The following USP45 variants were observed in gnomAD, a reference collection of about 807,000 sequenced individuals.
The protein encoded by USP45 is ubiquitin carboxyl-terminal hydrolase 45.
A neutral mutation model predicts 95.8 loss-of-function variants in USP45; 89 were observed. That is an observed-to-expected ratio of 0.93 (90% confidence interval 0.78 to 1.11). The LOEUF is 1.11. USP45 is among the 50% of genes least tolerant of loss of function. The pLI is 0.00. For missense variants in USP45, 898 were observed against 942.5 expected, an observed-to-expected ratio of 0.95 and a Z score of 0.62; for synonymous variants, 281 against 316.2, an observed-to-expected ratio of 0.89 and a Z score of 1.18.
chr6:99,479,228 T>C (rs1392667272), intron 8 of USP45, among the ~76,000 whole-genome samples: 1 of 151,912 alleles, frequency 6.6e-6, no homozygotes, highest in Non-Finnish European at 1.5e-5. Context: ...TCCAATAGTA[T>C]ATTTTATTTT....
intron 7 of USP45, among the ~76,000 whole-genome samples, chr6:99,487,792 C>CT (rs1257550338): frequency 6.6e-6 from 1 of 151,892 alleles, no homozygotes; most frequent in Non-Finnish European, 1.5e-5. Flanking sequence ...CAGAGCGAGA[C>CT]CCCGTCTCAA....
At position 99,446,078 on chromosome 6, in the gene USP45, C is replaced by A; in HGVS notation, c.1694G>T (p.Ser565Ile). Residue 565 changes from serine (S) to isoleucine (I), a missense_variant, in exon 14 of 18, where the codon AGC becomes ATC. Coordinates refer to ENST00000500704, the MANE Select transcript of USP45 (RefSeq NM_001346022.3). ...MAEAISELRLSSTVTGDQDFD... is the reference protein window; with the variant it reads ...MAEAISELRLISTVTGDQDFD... Reference sequence around the variant, plus strand: ...ATCTTGATCTCCAGTTACAGTGCTGCTCAAACGAAGTTCAGAAATAGCTTC... The same window carrying A: ...ATCTTGATCTCCAGTTACAGTGCTGATCAAACGAAGTTCAGAAATAGCTTC... 1 of 1,614,010 alleles carries A rather than the reference C, an allele frequency of 6.2e-7. No homozygotes were observed. The highest frequency in any genetic ancestry group is 8.5e-7 in the Non-Finnish European group (1 of 1,180,044).
In USP45 at chr6:99,511,841, GTGTGTATATATATATATATATATA is replaced by G. The variant is rs1180823165; in HGVS notation, c.-10-1635_-10-1612del. Among the ~76,000 whole-genome samples, 76 of 133,572 alleles carry G rather than the reference GTGTGTATATATATATATATATATA, an allele frequency of 5.7e-4. 1 individual carries two copies. The East Asian group carries it at 8.7e-3, about 15-fold the overall frequency. 87.6% of individuals were successfully genotyped at this position (133,572 alleles called of 152,430 possible). On this transcript the variant is annotated intron_variant, in intron 1 of 17. Coordinates refer to ENST00000500704, the MANE Select transcript of USP45 (RefSeq NM_001346022.3). ...GAGAGACACATATATGTATGTGAGT[GTGTGTATATATATATATATATATA>G]TATATATATATATATATATATACAC...
intron 14 of USP45, 57 bp from the exon 15 acceptor site, chr6:99,443,719 T>C (rs1781948034): frequency 1.8e-6 from 2 of 1,133,928 alleles, no homozygotes; most frequent in Admixed American, 2.8e-5. Flanking sequence ...TTATCTACCA[T>C]ATAATAAAAA....
At chr6:99,462,249 ACAAGTTATATC>A in intron 13 of USP45, 3 of 984,316 alleles carry the variant, frequency 3.0e-6, no homozygotes, top group Non-Finnish European at 3.6e-6. Context: ...CAGCACAAGC[ACAAGTTATATC>A]CATGTGGTGT....
intron 15 of USP45, among the ~76,000 whole-genome samples, chr6:99,442,605 G>C (rs1030162536): frequency 6.6e-6 from 1 of 152,194 alleles, no homozygotes; most frequent in African/African-American, 2.4e-5. Context: ...CCAGCACTTT[G>C]GGAGGCCGAG....
intron 13 of USP45, among the ~76,000 whole-genome samples, chr6:99,446,748 A>G (rs1408270714): frequency 6.6e-6 from 1 of 152,176 alleles, no homozygotes; most frequent in African/African-American, 2.4e-5. Flanking sequence ...TCTTTAAAAG[A>G]AAAATCTCTT....
intron 13 of USP45, among the ~76,000 whole-genome samples, chr6:99,463,068 GT>G (rs925269543): frequency 1.3e-5 from 2 of 151,696 alleles, no homozygotes; most frequent in African/African-American, 2.4e-5. Flanking sequence ...ATATAAAAAA[GT>G]TTTTTTTGCT....
At chr6:99,477,459 C>G (rs144403466) in intron 8 of USP45, among the ~76,000 whole-genome samples, 1 of 152,080 alleles carries the variant, frequency 6.6e-6, no homozygotes, top group Non-Finnish European at 1.5e-5. Flanking sequence ...GCTGGCCACA[C>G]CTGCCATCGT....
chr6:99,448,857 T>G (rs749031575), intron 13 of USP45, among the ~76,000 whole-genome samples: 22 of 152,292 alleles, frequency 1.4e-4, no homozygotes, highest in Middle Eastern at 6.8e-3. Flanking sequence ...CCAGAAGAGA[T>G]TGGGGGCCAA....
intron 8 of USP45, among the ~76,000 whole-genome samples, chr6:99,478,214 AGATTT>A (rs1212438385): frequency 1.5e-5 from 2 of 130,782 alleles, no homozygotes; most frequent in African/African-American, 5.5e-5. Context: ...TAATAAACTT[AGATTT>A]GTTTTTTTTT....
rs137933152 is a variant in USP45 at position 99,481,820 on chromosome 6, C to T, written c.845+933G>A. 1.9e-3 allele frequency among the ~76,000 whole-genome samples: 287 copies of T among 152,172 alleles called. 2 individuals are homozygous for T. The highest frequency in any genetic ancestry group is 6.6e-3 in the African/African-American group (274 of 41,466). ...TAGAATAATGGCCTCCAGCTGCATC[C>T]ATGTTGTCGCAAAGAATATGATTTC... On this transcript the variant is annotated intron_variant, in intron 8 of 17. Coordinates refer to ENST00000500704, the MANE Select transcript of USP45 (RefSeq NM_001346022.3).
chr6:99,498,867 G>C (rs1796831457), intron 5 of USP45, among the ~76,000 whole-genome samples: 1 of 152,166 alleles, frequency 6.6e-6, no homozygotes, highest in South Asian at 2.1e-4. Context: ...ATGCAAGACA[G>C]TGCCACTCAT....
At chr6:99,472,950 T>C (rs906111076) in intron 9 of USP45, among the ~76,000 whole-genome samples, 1 of 152,184 alleles carries the variant, frequency 6.6e-6, no homozygotes, top group South Asian at 2.1e-4. Flanking sequence ...TATCAGTTCC[T>C]AGCTCTAAGA....
chr6:99,443,114 G>C (rs189787968), intron 15 of USP45, among the ~76,000 whole-genome samples: 2 of 152,046 alleles, frequency 1.3e-5, no homozygotes, highest in African/African-American at 2.4e-5. Context: ...CTATTTGGGA[G>C]GCTGAGGCAG....
chr6:99,488,440 G>C, intron 6 of USP45, 145 bp from the exon 7 acceptor site: 2 of 689,074 alleles, frequency 2.9e-6, no homozygotes, highest in Admixed American at 3.2e-5. Flanking sequence ...TTTACATTTA[G>C]TAAAGGTCAC....
chr6:99,461,981 G>A (rs113645041), intron 13 of USP45: 32,620 of 984,926 alleles, frequency 0.033, 605 homozygotes, highest in Non-Finnish European at 0.036. Context: ...ACTTCTAAAC[G>A]TAAACTTCCT....
At chr6:99,462,951 C>G (rs77598210) in intron 13 of USP45, 1 of 152,172 alleles carries the variant, frequency 6.6e-6, no homozygotes, top group East Asian at 1.9e-4. Flanking sequence ...GCACTCCAGC[C>G]TGGCTGGGCA....
At chr6:99,515,318 T>A in intron 1 of USP45, 74 bp downstream of exon 1, 1 of 151,960 alleles carries the variant, frequency 6.6e-6, no homozygotes, top group East Asian at 1.9e-4. Context: ...GGGGTCAAGG[T>A]CGCCGAAGCG....
Sources: allele counts gnomAD v4.1 joint callset (sites outside exome capture counted in the v4.1 genomes callset), GRCh38; gene constraint gnomAD v4.1.1; transcripts MANE v1.5; gene names NCBI Gene and HGNC (gene_info 2026-07-23, HGNC 2026-07-21).